FARS2: variants seen among roughly 807,000 people sequenced by gnomAD.
FARS2 encodes the protein phenylalanyl-tRNA synthetase 2, mitochondrial.
In FARS2, 40 loss-of-function variants were observed where a neutral mutation model predicts 46.4. The observed-to-expected ratio is 0.86, with a 90% CI of 0.67 to 1.12. FARS2 has a LOEUF of 1.12. Ranked by LOEUF, FARS2 falls within the 50% of genes most tolerant of loss-of-function variation. FARS2 has a pLI of 0.00. For synonymous variants in FARS2, 234 were observed against 214.9 expected, an observed-to-expected ratio of 1.09 and a Z score of -0.78; for missense variants, 513 against 567.9, an observed-to-expected ratio of 0.90 and a Z score of 0.98.
intron 6 of FARS2, among the ~76,000 whole-genome samples, chr6:5,707,714 G>A (rs550285055): frequency 9.8e-5 from 15 of 152,310 alleles, no homozygotes; most frequent in African/African-American, 3.6e-4. Flanking sequence ...AAATCCTGAA[G>A]CCCTACACTG....
At chr6:5,461,486 A>G (rs1049797945) in intron 4 of FARS2, among the ~76,000 whole-genome samples, 11 of 152,202 alleles carry the variant, frequency 7.2e-5, no homozygotes, top group Middle Eastern at 3.4e-3. Context: ...CACCATCACA[A>G]TCAACCCCAA....
In FARS2 at chr6:5,368,762, C is replaced by T. The variant is rs1554169280; in HGVS notation, c.192C>T (p.Ser64=). 1 of 1,614,170 alleles carries T rather than the reference C, an allele frequency of 6.2e-7. No homozygotes were observed. The highest frequency in any genetic ancestry group is 2.2e-5 in the East Asian group (1 of 44,874). ...AATCCTACCCTCAGGACGACCACAG[C>T]AACCTCACCCGGAAGGTCCTCACCA... ...LGKSYPQDDH[S]NLTRKVLTRV... is the part of the protein sequence containing the mutation. The change falls in exon 2 of 7, where the codon AGC becomes AGT. Residue 64 remains serine (S), a synonymous_variant. Transcript: ENST00000274680.
upstream of FARS2, among the ~76,000 whole-genome samples, chr6:5,260,279 A>G (rs984546104): frequency 6.6e-6 from 1 of 152,222 alleles, no homozygotes; most frequent in Non-Finnish European, 1.5e-5. Context: ...CCAGTGCTCA[A>G]GGGAAGTTTT....
intron 4 of FARS2, among the ~76,000 whole-genome samples, chr6:5,516,338 G>A (rs553021908): frequency 2.0e-5 from 3 of 152,300 alleles, no homozygotes; most frequent in East Asian, 1.9e-4. Flanking sequence ...GTTCTCTGCC[G>A]TGTCATCTTG....
At chr6:5,696,077 C>T (rs115103290) in intron 6 of FARS2, among the ~76,000 whole-genome samples, 3,644 of 152,252 alleles carry the variant, frequency 0.024, 167 homozygotes, top group African/African-American at 0.084. Context: ...TGCTGTCAAG[C>T]GTGCAGGACA....
At chr6:5,320,136 C>G (rs1769862937) in intron 1 of FARS2, among the ~76,000 whole-genome samples, 1 of 152,158 alleles carries the variant, frequency 6.6e-6, no homozygotes, top group Non-Finnish European at 1.5e-5. Flanking sequence ...GAGAAGAGTC[C>G]ATGGGTTTCC....
chr6:5,625,743 G>A (rs1447701392), intron 6 of FARS2, among the ~76,000 whole-genome samples: 1 of 152,176 alleles, frequency 6.6e-6, no homozygotes, highest in Non-Finnish European at 1.5e-5. Context: ...GAATGTGGAG[G>A]CCACAGCCTG....
chr6:5,418,978 G>A (rs987625204), intron 3 of FARS2, among the ~76,000 whole-genome samples: 3 of 151,728 alleles, frequency 2.0e-5, no homozygotes, highest in East Asian at 3.9e-4. Context: ...CATTTGAATC[G>A]TTTGGCTACT....
At chr6:5,529,376 C>G (rs896016749) in intron 4 of FARS2, among the ~76,000 whole-genome samples, 4 of 152,140 alleles carry the variant, frequency 2.6e-5, no homozygotes, top group Non-Finnish European at 4.4e-5. Context: ...GGCACAATCT[C>G]GGCGCACTGC....
rs1762923842 is a variant in FARS2 at position 5,769,545 on chromosome 6, C to A, written c.1218-1746C>A. ...CTTGGGGCAGTTTGGGCAGCAGTGC[C>A]TCCCCCAGGAGTCAGGGTCCCCACC... is the stretch of plus-strand genomic sequence containing the variant. On this transcript the variant is annotated intron_variant, in intron 6 of 6. Transcript: ENST00000274680. 2.0e-5 allele frequency among the ~76,000 whole-genome samples: 3 copies of A among 152,336 alleles called. No individual in the cohort carries two copies. The South Asian group carries it at 6.2e-4, about 32-fold the overall frequency.
At chr6:5,442,082 G>C (rs1479112760) in intron 4 of FARS2, among the ~76,000 whole-genome samples, 4 of 152,148 alleles carry the variant, frequency 2.6e-5, no homozygotes, top group Non-Finnish European at 4.4e-5. Flanking sequence ...CTGGGTGGTA[G>C]AGTGAGACCC....
intron 6 of FARS2, among the ~76,000 whole-genome samples, chr6:5,724,956 C>T (rs1329604439): frequency 6.6e-6 from 1 of 152,216 alleles, no homozygotes; most frequent in Non-Finnish European, 1.5e-5. Context: ...GAGACTAAAA[C>T]GTAGTGGGGC....
chr6:5,466,589 A>G (rs988381639), intron 4 of FARS2: 11 of 985,408 alleles, frequency 1.1e-5, no homozygotes, highest in Non-Finnish European at 1.3e-5. Flanking sequence ...AACCCAGAGG[A>G]TATGAGACTT....
At chr6:5,452,949 C>T (rs1416288627) in intron 4 of FARS2, among the ~76,000 whole-genome samples, 4 of 152,048 alleles carry the variant, frequency 2.6e-5, no homozygotes, top group African/African-American at 4.8e-5. Flanking sequence ...AATCATATCA[C>T]TAGATGTTTT....
chr6:5,660,542 G>A (rs1777801249), intron 6 of FARS2, among the ~76,000 whole-genome samples: 1 of 151,998 alleles, frequency 6.6e-6, no homozygotes. Context: ...CAGCTACTTG[G>A]GAGGCTGAGG....
At chr6:5,707,604 T>C (rs138131540) in intron 6 of FARS2, among the ~76,000 whole-genome samples, 1 of 152,228 alleles carries the variant, frequency 6.6e-6, no homozygotes, top group Non-Finnish European at 1.5e-5. Context: ...TTTCACATTT[T>C]CCAACACTAG....
intron 4 of FARS2, among the ~76,000 whole-genome samples, chr6:5,442,677 A>G (rs1763908795): frequency 6.6e-6 from 1 of 152,040 alleles, no homozygotes; most frequent in Non-Finnish European, 1.5e-5. Flanking sequence ...GTTCTGTCAG[A>G]TTTAGTCCCA....
At chr6:5,663,549 T>C (rs551513193) in intron 6 of FARS2, among the ~76,000 whole-genome samples, 1 of 152,202 alleles carries the variant, frequency 6.6e-6, no homozygotes, top group East Asian at 1.9e-4. Flanking sequence ...TGTGTTTCGA[T>C]GAGATCAGAA....
intron 3 of FARS2, among the ~76,000 whole-genome samples, chr6:5,417,708 C>G (rs1212421497): frequency 1.3e-5 from 2 of 152,072 alleles, no homozygotes; most frequent in Non-Finnish European, 2.9e-5. Context: ...TTATGATGTA[C>G]ATAGATACAG....
Sources: gnomAD v4.1 joint callset for allele counts (sites outside exome capture counted in the v4.1 genomes callset) on GRCh38, gnomAD v4.1.1 for gene constraint, MANE v1.5 for transcripts, NCBI Gene and HGNC (gene_info 2026-07-23, HGNC 2026-07-21) for gene names.